The following KLRG1 variants were observed in gnomAD, a reference collection of about 807,000 sequenced individuals.
KLRG1 encodes the protein killer cell lectin like receptor G1.
In KLRG1, 16 loss-of-function variants were observed where a neutral mutation model predicts 21.8. The ratio of observed to expected loss-of-function variants is 0.73; its 90% CI spans 0.50 to 1.11. KLRG1 has a LOEUF of 1.11. Ranked by LOEUF, KLRG1 falls within the 50% of genes most tolerant of loss-of-function variation. The pLI, the probability that KLRG1 is intolerant of heterozygous loss-of-function variation, is 0.00. For missense variants in KLRG1, 173 were observed against 218.3 expected (o/e 0.79, Z 1.31); for synonymous variants, 69 against 75.9 (o/e 0.91, Z 0.47).
At chr12:9,177,640 A>T in the KLRG1 span, among the ~76,000 whole-genome samples, 1 of 152,200 alleles carries the variant, frequency 6.6e-6, no homozygotes, top group Non-Finnish European at 1.5e-5. Flanking sequence ...ATAAATGAAC[A>T]TGTATTATTT....
the KLRG1 span, among the ~76,000 whole-genome samples, chr12:9,035,772 A>G: frequency 6.6e-6 from 1 of 151,942 alleles, no homozygotes; most frequent in Non-Finnish European, 1.5e-5. Context: ...AGTGGACTGG[A>G]TAAAGAAAAT....
the KLRG1 span, chr12:9,160,226 A>T: frequency 7.8e-7 from 1 of 1,281,038 alleles, no homozygotes; most frequent in Non-Finnish European, 1.1e-6. Context: ...AATTATCATC[A>T]TGGGTTAATA....
the KLRG1 span, among the ~76,000 whole-genome samples, chr12:9,144,374 A>C: frequency 2.0e-5 from 3 of 151,984 alleles, no homozygotes; most frequent in African/African-American, 7.3e-5. Context: ...CATGTAAATC[A>C]CTTGAAAAGT....
the KLRG1 span, chr12:9,028,121 A>T: frequency 4.8e-6 from 4 of 841,906 alleles, no homozygotes; most frequent in East Asian, 2.4e-5. Context: ...GTTCAAAATT[A>T]TCTGTTCTTC....
At chr12:9,086,949 C>G in the KLRG1 span, among the ~76,000 whole-genome samples, 1 of 152,036 alleles carries the variant, frequency 6.6e-6, no homozygotes, top group Non-Finnish European at 1.5e-5. Flanking sequence ...TTGCAAGATA[C>G]AAAATTAACA....
chr12:9,056,109 C>A, the KLRG1 span, among the ~76,000 whole-genome samples: 1 of 152,146 alleles, frequency 6.6e-6, no homozygotes, highest in African/African-American at 2.4e-5. Flanking sequence ...CTATCGGCTG[C>A]AGGGGACACT....
chr12:9,185,982 AT>A, the KLRG1 span, among the ~76,000 whole-genome samples: 1 of 151,568 alleles, frequency 6.6e-6, no homozygotes, highest in East Asian at 1.9e-4. Flanking sequence ...TAATTTTTGT[AT>A]TTTTAGTAGA....
the KLRG1 span, among the ~76,000 whole-genome samples, chr12:9,090,691 C>T: frequency 1.3e-5 from 2 of 152,054 alleles, no homozygotes; most frequent in Non-Finnish European, 2.9e-5. Flanking sequence ...TGGAAGCAAC[C>T]TGCTCTTTCA....
At chr12:9,159,253 AT>A in the KLRG1 span, among the ~76,000 whole-genome samples, 1 of 152,186 alleles carries the variant, frequency 6.6e-6, no homozygotes, top group Non-Finnish European at 1.5e-5. Context: ...GGTATATTGG[AT>A]TAAAAAAATC....
the KLRG1 span, among the ~76,000 whole-genome samples, chr12:9,131,271 G>A: frequency 3.9e-5 from 6 of 152,056 alleles, no homozygotes; most frequent in African/African-American, 7.2e-5. Flanking sequence ...CAGATTCCTC[G>A]AGATTCCGTA....
the KLRG1 span, chr12:9,202,740 A>G: frequency 2.6e-6 from 4 of 1,514,006 alleles, no homozygotes; most frequent in Non-Finnish European, 3.6e-6. Flanking sequence ...CTCCCTCTGC[A>G]TTCTTCAGTC....
At chr12:9,128,872 C>T in the KLRG1 span, among the ~76,000 whole-genome samples, 1 of 152,132 alleles carries the variant, frequency 6.6e-6, no homozygotes, top group Non-Finnish European at 1.5e-5. Flanking sequence ...ATTTCATACT[C>T]GCTGTTACAT....
the KLRG1 span, chr12:9,107,791 G>T: frequency 2.6e-6 from 2 of 771,758 alleles, no homozygotes; most frequent in East Asian, 2.7e-5. Context: ...TTGAAGACAA[G>T]AGTCACTAAT....
At chr12:9,122,596 A>G in the KLRG1 span, among the ~76,000 whole-genome samples, 1 of 152,236 alleles carries the variant, frequency 6.6e-6, no homozygotes, top group African/African-American at 2.4e-5. Flanking sequence ...GACAAGTTCT[A>G]AGAGATTTAG....
chr12:9,026,345 T>A, the KLRG1 span, among the ~76,000 whole-genome samples: 1 of 152,194 alleles, frequency 6.6e-6, no homozygotes, highest in Non-Finnish European at 1.5e-5. Flanking sequence ...TTTGAAAGCA[T>A]GAGCCAAAAA....
the KLRG1 span, among the ~76,000 whole-genome samples, chr12:9,016,594 C>T: frequency 1.3e-5 from 2 of 152,132 alleles, no homozygotes; most frequent in Non-Finnish European, 1.5e-5. Flanking sequence ...ATAACTAATA[C>T]CAATCCTACT....
the KLRG1 span, among the ~76,000 whole-genome samples, chr12:9,080,750 C>T: frequency 2.0e-5 from 3 of 152,070 alleles, no homozygotes; most frequent in Admixed American, 2.0e-4. Flanking sequence ...AATTACTACT[C>T]ATGAACATAC....
At chr12:9,132,478 C>T in the KLRG1 span, among the ~76,000 whole-genome samples, 1 of 152,174 alleles carries the variant, frequency 6.6e-6, no homozygotes, top group Non-Finnish European at 1.5e-5. Flanking sequence ...GTGAAAGAAT[C>T]TGGTTTCCAT....
At chr12:9,164,200 T>C in the KLRG1 span, 5 of 1,609,716 alleles carry the variant, frequency 3.1e-6, no homozygotes, top group Non-Finnish European at 4.3e-6. Flanking sequence ...AATAGGATTC[T>C]TCTCCCTTTG....
Sources: allele counts gnomAD v4.1 joint callset (sites outside exome capture counted in the v4.1 genomes callset), GRCh38; gene constraint gnomAD v4.1.1; transcripts MANE v1.5; gene names NCBI Gene and HGNC (gene_info 2026-07-23, HGNC 2026-07-21).